Variants in ZNF91 observed in about 807,000 individuals in gnomAD.
ZNF91 encodes the protein zinc finger protein 91.
ZNF91 carries 7 observed loss-of-function variants against 12.6 expected under a neutral mutation model. The ratio of observed to expected loss-of-function variants is 0.55; its 90% CI spans 0.31 to 1.04. ZNF91 has a LOEUF of 1.04. ZNF91 is among the 50% of genes least tolerant of loss of function. The probability of loss-of-function intolerance (pLI) is 0.05; values close to 1 mark genes in which losing one functional copy is unlikely to be tolerated. For synonymous variants in ZNF91, 453 were observed against 462.6 expected, an observed-to-expected ratio of 0.98 and a Z score of 0.27; for missense variants, 1,217 against 1,385.4, an observed-to-expected ratio of 0.88 and a Z score of 1.93.
At chr19:23,351,738 A>G (rs924941661) in intron 3 of ZNF91, among the ~76,000 whole-genome samples, 1 of 152,206 alleles carries the variant, frequency 6.6e-6, no homozygotes, top group Admixed American at 6.5e-5. Context: ...GCATTAGGAT[A>G]GACCCTCTGA....
chr19:23,310,077 GA>G (rs1277096299), intron 1 of ZNF91, among the ~76,000 whole-genome samples: 1 of 152,156 alleles, frequency 6.6e-6, no homozygotes, highest in Non-Finnish European at 1.5e-5. Flanking sequence ...CAGCCAATCA[GA>G]AAGATGTCGA....
At chr19:23,363,309 A>G (rs759318430) in intron 3 of ZNF91, among the ~76,000 whole-genome samples, 2 of 152,206 alleles carry the variant, frequency 1.3e-5, no homozygotes, top group African/African-American at 2.4e-5. Flanking sequence ...CTCTCATGAC[A>G]TAAGTGTTGA....
At chr19:23,384,633 G>T in intron 1 of ZNF91, 1 of 735,832 alleles carries the variant, frequency 1.4e-6, no homozygotes, top group East Asian at 3.6e-5. Flanking sequence ...TCCCCCTCTT[G>T]GAGGCTTTTG....
rs557140795 is a variant in ZNF91 at position 23,385,858 on chromosome 19, T to G, written c.30+9467A>C. The stretch of plus-strand genomic sequence containing the variant: ...ATATCCCTATATATTATATCTACAT[T>G]GCAAAATTTTAACTGTCAGCTACAT... On this transcript the variant is annotated intron_variant, in intron 1 of 3. Coordinates refer to ENST00000300619, the MANE Select transcript of ZNF91 (RefSeq NM_003430.4). 3.3e-5 allele frequency among the ~76,000 whole-genome samples: 5 copies of G among 152,304 alleles called. No homozygotes were observed. In the East Asian group the frequency reaches 7.7e-4, roughly 23 times the overall value.
intron 3 of ZNF91, among the ~76,000 whole-genome samples, chr19:23,346,542 T>C (rs1968236255): frequency 6.6e-6 from 1 of 152,200 alleles, no homozygotes; most frequent in Admixed American, 6.5e-5. Flanking sequence ...CTTGTTTAAC[T>C]GACGCCATGA....
chr19:23,323,170 T>C (rs1247823400), intron 1 of ZNF91, among the ~76,000 whole-genome samples: 3 of 145,566 alleles, frequency 2.1e-5, no homozygotes, highest in Non-Finnish European at 4.6e-5. Context: ...TCTCCACCTT[T>C]TTCTCTTCCT....
chr19:23,378,130 A>G (rs1482141817), intron 1 of ZNF91, among the ~76,000 whole-genome samples: 4 of 152,250 alleles, frequency 2.6e-5, no homozygotes, highest in Non-Finnish European at 5.9e-5. Flanking sequence ...GCTAAATGGA[A>G]TGTCTCTGTA....
At chr19:23,365,102 A>C (rs975795050) in intron 3 of ZNF91, among the ~76,000 whole-genome samples, 2 of 152,198 alleles carry the variant, frequency 1.3e-5, no homozygotes, top group African/African-American at 4.8e-5. Flanking sequence ...TAGAAGAAGA[A>C]TATGGGAAAA....
chr19:23,327,293 T>C (rs930245552), intron 1 of ZNF91: 1 of 152,222 alleles, frequency 6.6e-6, no homozygotes, highest in Non-Finnish European at 1.5e-5. Flanking sequence ...TGATACTTTA[T>C]TGTTAAAAAC....
At position 23,361,726 on chromosome 19, in the gene ZNF91, G is replaced by A. The variant is rs754316652; in HGVS notation, c.1253C>T (p.Ser418Phe). Reference sequence around the variant, plus strand: ...AAACTTATGTATAGTAAGATTTGAAGATCGATTAAAAGCTTTGCCACATTC... The same window carrying A: ...AAACTTATGTATAGTAAGATTTGAAAATCGATTAAAAGCTTTGCCACATTC... ...CEECGKAFNR[S>F]SNLTIHKFIH... The change falls in exon 4 of 4, where the codon TCT (serine) becomes TTT (phenylalanine). Residue 418 changes from serine to phenylalanine, a missense_variant. This residue lies in a region of ZNF91 where 726 missense variants were observed against 895.5 expected (regional missense o/e 0.81). Transcript: ENST00000300619. 9 of 1,610,062 alleles carry A rather than the reference G, an allele frequency of 5.6e-6. No individual in the cohort carries two copies. In the East Asian group the frequency reaches 2.0e-4, roughly 36 times the overall value.
intron 3 of ZNF91, among the ~76,000 whole-genome samples, chr19:23,372,647 T>C (rs950814128): frequency 6.6e-6 from 1 of 151,940 alleles, no homozygotes; most frequent in African/African-American, 2.4e-5. Flanking sequence ...TCTTCCCAGC[T>C]ACAGACTTGG....
intron 3 of ZNF91, among the ~76,000 whole-genome samples, chr19:23,363,733 T>G (rs1968898177): frequency 6.6e-6 from 1 of 152,198 alleles, no homozygotes; most frequent in Non-Finnish European, 1.5e-5. Context: ...ACATTAATTT[T>G]ATGAATTGGT....
At chr19:23,333,507 T>A (rs1271867520) in intron 1 of ZNF91, among the ~76,000 whole-genome samples, 3 of 152,206 alleles carry the variant, frequency 2.0e-5, no homozygotes, top group African/African-American at 7.2e-5. Context: ...CCACATGTAC[T>A]GGAGGACAGT....
At chr19:23,314,428 T>C (rs1568364703), upstream of ZNF91, among the ~76,000 whole-genome samples, 1 of 152,166 alleles carries the variant, frequency 6.6e-6, no homozygotes, top group African/African-American at 2.4e-5. Flanking sequence ...TGCTGGTTCC[T>C]GTCCATAAAG....
At chr19:23,366,048 C>T (rs959126075) in intron 3 of ZNF91, among the ~76,000 whole-genome samples, 2 of 152,276 alleles carry the variant, frequency 1.3e-5, no homozygotes, top group Non-Finnish European at 2.9e-5. Context: ...AAAACCACCA[C>T]TGTCATCATG....
chr19:23,308,076 A>G (rs1403461897), intron 2 of ZNF91: 1 of 152,160 alleles, frequency 6.6e-6, no homozygotes, highest in Non-Finnish European at 1.5e-5. Context: ...GAAAATTGTG[A>G]TATATCATTG....
Position 23,373,786 on chromosome 19 carries a change from T to G in ZNF91, c.209A>C (p.Glu70Ala), listed in dbSNP as rs1190336033. Residue 70 changes from glutamate (E) to alanine (A), a missense_variant, in exon 3 of 4, where the codon GAG becomes GCG. This residue lies in a region of ZNF91 where 726 missense variants were observed against 895.5 expected (regional missense o/e 0.81). Transcript: ENST00000300619. Reference protein sequence around the residue: ...DLITYLEQGKEPWNMKQHEMV... With the variant: ...DLITYLEQGKAPWNMKQHEMV... ...CTCATGTTGCTTCATATTCCAGGGC[T>G]CTTTTCCTTGCTCCAGATAAGTAAT... 30 of 1,611,858 alleles carry G rather than the reference T, an allele frequency of 1.9e-5. No homozygotes were observed. The highest frequency in any genetic ancestry group is 2.4e-5 in the Non-Finnish European group (28 of 1,178,710).
rs566684451 is a variant in ZNF91 at position 23,368,350 on chromosome 19, ACT to A, written c.253+5390_253+5391del. ...AACAAGATGGTGAAAACCTGTCTCT[ACT>A]AAAAATACAAAAATTAGCCAGGCGG... On this transcript the variant is annotated intron_variant, in intron 3 of 3. Transcript: ENST00000300619. 4.0e-3 allele frequency among the ~76,000 whole-genome samples: 613 copies of A among 152,040 alleles called. 9 individuals are homozygous for A. The highest frequency in any genetic ancestry group is 0.014 in the African/African-American group (589 of 41,498).
At chr19:23,383,653 A>G (rs1969787492) in intron 1 of ZNF91, among the ~76,000 whole-genome samples, 1 of 151,794 alleles carries the variant, frequency 6.6e-6, no homozygotes, top group African/African-American at 2.4e-5. Context: ...GTGCCCCTGC[A>G]CTCCAGCATG....
Sources: gnomAD v4.1 joint callset for allele counts (sites outside exome capture counted in the v4.1 genomes callset) on GRCh38, gnomAD v4.1.1 for gene constraint, gnomAD v4.1.1 regional missense constraint, MANE v1.5 for transcripts, NCBI Gene and HGNC (gene_info 2026-07-23, HGNC 2026-07-21) for gene names.